The following AK9 variants were observed in gnomAD, a reference collection of about 807,000 sequenced individuals.
AK9 encodes adenylate kinase 9, also known as adenylate kinase domain containing 1.
A neutral mutation model predicts 239.6 loss-of-function variants in AK9; 191 were observed. The ratio of observed to expected loss-of-function variants is 0.80; its 90% CI spans 0.71 to 0.90. AK9 has a LOEUF of 0.90. Ranked by LOEUF, AK9 falls within the 40% of genes least tolerant of loss-of-function variation. AK9 has a pLI of 0.00. For synonymous variants in AK9, 689 were observed against 721.0 expected (o/e 0.96, Z 0.71); for missense variants, 1,995 against 2,214.7 (o/e 0.90, Z 1.99).
At chr6:109,516,191 T>A in intron 30 of AK9, 116 bp from the exon 31 acceptor site, 1 of 1,022,538 alleles carries the variant, frequency 9.8e-7, no homozygotes. Flanking sequence ...ACACAAATAT[T>A]TTTCAGCTTC....
chr6:109,551,340 G>C (rs558768133), intron 24 of AK9, among the ~76,000 whole-genome samples: 1 of 152,128 alleles, frequency 6.6e-6, no homozygotes, highest in East Asian at 1.9e-4. Context: ...CCAACATGGT[G>C]AAACCCCTTC....
chr6:109,508,246 A>C (rs1582760686), intron 33 of AK9, among the ~76,000 whole-genome samples: 2 of 152,176 alleles, frequency 1.3e-5, no homozygotes, highest in Non-Finnish European at 2.9e-5. Flanking sequence ...TTTTTAATCA[A>C]GAGTAGCTCA....
At chr6:109,541,173 T>C (rs1342600457) in intron 27 of AK9, among the ~76,000 whole-genome samples, 1 of 152,150 alleles carries the variant, frequency 6.6e-6, no homozygotes, top group Non-Finnish European at 1.5e-5. Context: ...TTTCAAAATG[T>C]GTTATTTTCC....
intron 5 of AK9, among the ~76,000 whole-genome samples, chr6:109,669,829 G>T (rs1256525170): frequency 6.6e-6 from 1 of 152,104 alleles, no homozygotes; most frequent in East Asian, 1.9e-4. Flanking sequence ...CTACAGGATG[G>T]GTTAAGGGGT....
chr6:109,617,903 ACT>A (rs918624595), intron 13 of AK9, among the ~76,000 whole-genome samples: 8 of 152,182 alleles, frequency 5.3e-5, no homozygotes, highest in Admixed American at 3.3e-4. Context: ...CTGGCTGTTG[ACT>A]CTTAAATAAT....
At chr6:109,541,814 C>T (rs1455251183) in intron 27 of AK9, among the ~76,000 whole-genome samples, 1 of 152,192 alleles carries the variant, frequency 6.6e-6, no homozygotes, top group Non-Finnish European at 1.5e-5. Flanking sequence ...TGAAAAATAT[C>T]CCAGGCTCAC....
intron 12 of AK9, among the ~76,000 whole-genome samples, chr6:109,627,108 T>A (rs1052412247): frequency 4.0e-5 from 6 of 151,232 alleles, no homozygotes; most frequent in African/African-American, 1.2e-4. Flanking sequence ...CTTTATAAGC[T>A]TTTTTCTATT....
At chr6:109,532,353 C>A (rs140843441) in intron 28 of AK9, among the ~76,000 whole-genome samples, 1 of 152,192 alleles carries the variant, frequency 6.6e-6, no homozygotes, top group Non-Finnish European at 1.5e-5. Context: ...AAGCTCTCTT[C>A]GGTATGAAAG....
intron 20 of AK9, among the ~76,000 whole-genome samples, chr6:109,578,892 T>C (rs1008342492): frequency 4.6e-5 from 7 of 152,128 alleles, no homozygotes; most frequent in Non-Finnish European, 8.8e-5. Context: ...TCTGAGAGAG[T>C]ACTCGGTATA....
chr6:109,641,447 G>C, intron 10 of AK9, 71 bp downstream of exon 10: 1 of 1,207,162 alleles, frequency 8.3e-7, no homozygotes, highest in Non-Finnish European at 1.2e-6. Context: ...GGGATTACAG[G>C]TGTGAGCCAC....
At chr6:109,550,889 T>C (rs76598518) in intron 24 of AK9, among the ~76,000 whole-genome samples, 2,240 of 152,300 alleles carry the variant, frequency 0.015, 59 homozygotes, top group African/African-American at 0.051. Flanking sequence ...TTTTTTATGA[T>C]GTAAAATACA....
At chr6:109,616,088 T>A (rs1401493594) in intron 13 of AK9, among the ~76,000 whole-genome samples, 2 of 150,934 alleles carry the variant, frequency 1.3e-5, no homozygotes, top group East Asian at 3.9e-4. Flanking sequence ...AAAAAAAAAA[T>A]CACAACCACT....
intron 26 of AK9, among the ~76,000 whole-genome samples, chr6:109,545,170 T>C (rs1279874303): frequency 1.3e-5 from 2 of 152,188 alleles, no homozygotes; most frequent in African/African-American, 2.4e-5. Context: ...CCAGGCACAG[T>C]GGCTCATGCC....
chr6:109,675,562 TG>T, intron 2 of AK9, 66 bp downstream of exon 2: 3 of 1,046,782 alleles, frequency 2.9e-6, no homozygotes, highest in Non-Finnish European at 4.0e-6. Context: ...TATTTTTATA[TG>T]GTAACTTAGA....
intron 17 of AK9, among the ~76,000 whole-genome samples, chr6:109,603,669 G>T (rs987582832): frequency 2.6e-5 from 4 of 152,198 alleles, no homozygotes; most frequent in Non-Finnish European, 4.4e-5. Context: ...TGCCCCCAGA[G>T]GTGGAGTCTA....
At chr6:109,496,083 G>A (rs75606983) in intron 38 of AK9, among the ~76,000 whole-genome samples, 4,417 of 152,044 alleles carry the variant, frequency 0.029, 199 homozygotes, top group African/African-American at 0.1. Flanking sequence ...TCTTCAAACA[G>A]TGGCTTCACT....
rs1789464243 is a variant in AK9 at position 109,586,026 on chromosome 6, C to T, written c.1889G>A (p.Gly630Glu). ...KDRFPGAPKY[G>E]GWIVDNCPIV... ...AGGGCAGTTGTCCACAATCCAGCCT[C>T]CATATTTTGGGGCACCAGGAAACCT... Residue 630 changes from glycine (G) to glutamate (E), a missense_variant, in exon 18 of 41, where the codon GGA becomes GAA. Transcript: ENST00000424296. 2.6e-6 allele frequency: 4 copies of T among 1,551,284 alleles called. No individual in the cohort carries two copies. Among genetic ancestry groups the T allele is most frequent in the East Asian group, 2.4e-5 (1 of 40,882 alleles).
chr6:109,618,367 C>G (rs1794420888), intron 13 of AK9, among the ~76,000 whole-genome samples: 1 of 146,886 alleles, frequency 6.8e-6, no homozygotes, highest in African/African-American at 2.5e-5. Flanking sequence ...CTGCAAAAAC[C>G]AATCAATGAA....
intron 6 of AK9, among the ~76,000 whole-genome samples, chr6:109,659,770 G>A (rs1800182290): frequency 2.0e-5 from 3 of 152,192 alleles, no homozygotes; most frequent in South Asian, 2.1e-4. Context: ...AAAAGTTTAC[G>A]AATGGAGCAA....
Sources: allele counts gnomAD v4.1 joint callset (sites outside exome capture counted in the v4.1 genomes callset), GRCh38; gene constraint gnomAD v4.1.1; transcripts MANE v1.5; gene names NCBI Gene and HGNC (gene_info 2026-07-23, HGNC 2026-07-21).